Variants in UBA6 observed in about 807,000 individuals in gnomAD.
UBA6 encodes ubiquitin like modifier activating enzyme 6.
A neutral mutation model predicts 148.3 loss-of-function variants in UBA6; 87 were observed. The ratio of observed to expected loss-of-function variants is 0.59; its 90% CI spans 0.49 to 0.70. The LOEUF (loss-of-function observed/expected upper bound fraction) is 0.70. Ranked by LOEUF, UBA6 falls within the 30% of genes least tolerant of loss-of-function variation. The pLI, the probability that UBA6 is intolerant of heterozygous loss-of-function variation, is 0.00. For missense variants in UBA6, 1,186 were observed against 1,241.2 expected, an observed-to-expected ratio of 0.96 and a Z score of 0.67; for synonymous variants, 376 against 401.0, an observed-to-expected ratio of 0.94 and a Z score of 0.75.
Position 67,614,147 on chromosome 4 carries a change from A to AT in UBA6, c.*4849dup, listed in dbSNP as rs1321625291. 1 of 152,208 alleles carries AT rather than the reference A, an allele frequency of 6.6e-6. No homozygotes were observed. The highest frequency in any genetic ancestry group is 1.5e-5 in the Non-Finnish European group (1 of 68,050). The allele number at this position is 152,208 out of a possible 1,614,324, so 9.4% of individuals were successfully genotyped here. On this transcript the variant is annotated 3_prime_UTR_variant, in exon 33 of 33. Coordinates refer to ENST00000322244, the MANE Select transcript of UBA6 (RefSeq NM_018227.6). Reference sequence around the variant, plus strand: ...TATTTAACCTGAATATTTCCTTCCTATTGATCCCAGGTCTTCAGATAAACT... The same window carrying AT: ...TATTTAACCTGAATATTTCCTTCCTATTTGATCCCAGGTCTTCAGATAAACT...
chr4:67,652,088 G>C (rs1252869765), intron 13 of UBA6, among the ~76,000 whole-genome samples: 1 of 151,960 alleles, frequency 6.6e-6, no homozygotes, highest in Non-Finnish European at 1.5e-5. Context: ...ACAGCTTTTT[G>C]ACCCTGTGTT....
rs111875652 is a variant in UBA6 at position 67,692,790 on chromosome 4, T to C, written c.134+3855A>G. Among the ~76,000 whole-genome samples the C allele has an allele frequency of 9.1e-3, 1,390 of 152,228 alleles. 32 individuals carry two copies. The highest frequency in any genetic ancestry group is 0.032 in the African/African-American group (1,324 of 41,550). Reference sequence around the variant, plus strand: ...AAGGCTCATTACACAAGGTACTCTATAGAAAGGATTGTCAATGCTATGGAA... The same window carrying C: ...AAGGCTCATTACACAAGGTACTCTACAGAAAGGATTGTCAATGCTATGGAA... On this transcript the variant is annotated intron_variant, in intron 2 of 32. Transcript: ENST00000322244.
intron 17 of UBA6, among the ~76,000 whole-genome samples, chr4:67,641,834 A>G (rs957905413): frequency 7.2e-5 from 11 of 152,164 alleles, no homozygotes; most frequent in African/African-American, 2.7e-4. Context: ...AATATTTGCA[A>G]TCGTGTCCTT....
chr4:67,630,660 GT>G (rs75927546), intron 25 of UBA6, 125 bp from the exon 26 acceptor site: 5,426 of 494,182 alleles, frequency 0.011, 2 homozygotes, highest in South Asian at 0.022. Flanking sequence ...ATTATTTCAA[GT>G]TTTTTTTTTT....
intron 11 of UBA6, 148 bp from the exon 12 acceptor site, chr4:67,663,363 C>A: frequency 1.9e-6 from 1 of 535,916 alleles, no homozygotes; most frequent in Non-Finnish European, 3.3e-6. Context: ...AAATAAGAAA[C>A]CTGAAGGTTA....
At chr4:67,625,973 G>C (rs1001708452) in intron 28 of UBA6, among the ~76,000 whole-genome samples, 1 of 151,858 alleles carries the variant, frequency 6.6e-6, no homozygotes, top group Non-Finnish European at 1.5e-5. Context: ...TTATCCTAAA[G>C]TGATTTAAAT....
intron 2 of UBA6, among the ~76,000 whole-genome samples, chr4:67,695,418 G>T (rs1218849849): frequency 6.6e-6 from 1 of 152,094 alleles, no homozygotes; most frequent in East Asian, 1.9e-4. Flanking sequence ...TTAAAATATT[G>T]TATTACAAAT....
chr4:67,620,483 T>C (rs1251088522), intron 32 of UBA6, among the ~76,000 whole-genome samples: 1 of 152,090 alleles, frequency 6.6e-6, no homozygotes, highest in Non-Finnish European at 1.5e-5. Flanking sequence ...CCTAGCCAGG[T>C]CACTGTCTCA....
At chr4:67,667,564 T>TAC (rs906953906) in intron 9 of UBA6, among the ~76,000 whole-genome samples, 2 of 126,606 alleles carry the variant, frequency 1.6e-5, no homozygotes, top group Non-Finnish European at 3.5e-5. Flanking sequence ...ATAAACTAAA[T>TAC]ACAGTTATAT....
In UBA6 at chr4:67,613,960, A is replaced by C. The variant is rs1577779886; in HGVS notation, c.*5037T>G. ...CTATAAAGAATCCCCTTTCCCCTTT[A>C]CCCATTTTTTTTTTGTCCTTCCTTC... On this transcript the variant is annotated 3_prime_UTR_variant, in exon 33 of 33. Transcript: ENST00000322244. 1 of 151,056 alleles carries C rather than the reference A, an allele frequency of 6.6e-6. No individual in the cohort carries two copies. Among genetic ancestry groups the C allele is most frequent in the Admixed American group, 6.6e-5 (1 of 15,164 alleles). The allele number at this position is 151,056 out of a possible 1,614,324, so 9.4% of individuals were successfully genotyped here.
At chr4:67,697,148 A>G (rs769816335) in intron 1 of UBA6, among the ~76,000 whole-genome samples, 4 of 152,106 alleles carry the variant, frequency 2.6e-5, no homozygotes, top group Non-Finnish European at 4.4e-5. Context: ...TGGGACTACA[A>G]GTGCACACCA....
intron 30 of UBA6, among the ~76,000 whole-genome samples, chr4:67,623,909 A>G (rs1728807233): frequency 6.6e-6 from 1 of 152,118 alleles, no homozygotes; most frequent in Admixed American, 6.5e-5. Context: ...CCATAATGCC[A>G]AATAATGTGG....
At chr4:67,654,767 T>A (rs550343306) in intron 13 of UBA6, among the ~76,000 whole-genome samples, 1 of 150,580 alleles carries the variant, frequency 6.6e-6, no homozygotes, top group East Asian at 2.0e-4. Context: ...TCAAGACCCA[T>A]CAGCGTGCTG....
chr4:67,619,518 A>G (rs1406104094), intron 32 of UBA6, among the ~76,000 whole-genome samples: 1 of 152,236 alleles, frequency 6.6e-6, no homozygotes, highest in Non-Finnish European at 1.5e-5. Context: ...TCTGCTAAAA[A>G]TACAAAAACG....
intron 19 of UBA6, among the ~76,000 whole-genome samples, chr4:67,637,252 C>T (rs546242917): frequency 2.6e-5 from 4 of 151,132 alleles, no homozygotes; most frequent in African/African-American, 9.7e-5. Context: ...GGCCAGCCGC[C>T]CAGCCCTGGA....
chr4:67,637,701 G>A lies in UBA6; in HGVS notation c.1736+1242C>T, dbSNP rs369740169. Among the ~76,000 whole-genome samples the A allele has an allele frequency of 3.6e-4, 55 of 152,112 alleles. No individual in the cohort carries two copies. The South Asian group carries it at 8.7e-3, about 24-fold the overall frequency. ...ACTCAGGGTTAAATGGATTAAGGGC[G>A]GTGCAAGATGTGCTTTGTTAAACAG... On this transcript the variant is annotated intron_variant, in intron 19 of 32. Coordinates refer to ENST00000322244, the MANE Select transcript of UBA6 (RefSeq NM_018227.6).
rs1023909034 is a variant in UBA6 at position 67,677,560 on chromosome 4, A to T, written c.465+51T>A. 3 of 929,432 alleles carry T rather than the reference A, an allele frequency of 3.2e-6. No individual in the cohort carries two copies. The African/African-American group carries it at 5.1e-5, about 16-fold the overall frequency. 57.6% of individuals were successfully genotyped at this position (929,432 alleles called of 1,614,324 possible). On this transcript the variant is annotated intron_variant, in intron 6 of 32. Coordinates refer to ENST00000322244, the MANE Select transcript of UBA6 (RefSeq NM_018227.6). ...TAGTTAAACATATTAATATTTAACAATTTTGCCCTGGAACCTGTCAATAAC... is the reference window on the plus strand; with the variant it reads ...TAGTTAAACATATTAATATTTAACATTTTTGCCCTGGAACCTGTCAATAAC...
intron 28 of UBA6, 24 bp downstream of exon 28, chr4:67,626,336 A>G: frequency 6.7e-7 from 1 of 1,500,140 alleles, no homozygotes; most frequent in Non-Finnish European, 9.3e-7. Flanking sequence ...AGTTCAAAAC[A>G]TTTTTATAAA....
chr4:67,618,042 A>AC lies in UBA6; in HGVS notation c.*954_*955insG, dbSNP rs1391770666. On this transcript the variant is annotated 3_prime_UTR_variant, in exon 33 of 33. Coordinates refer to ENST00000322244, the MANE Select transcript of UBA6 (RefSeq NM_018227.6). ...TAACATGCTTCTGTTTAAAAAAAAAAAACAAAAAAAACACAAAATTTAATA... is the reference window on the plus strand; with the variant it reads ...TAACATGCTTCTGTTTAAAAAAAAAACAACAAAAAAAACACAAAATTTAATA... 1.3e-5 allele frequency: 2 copies of AC among 150,652 alleles called. No homozygotes were observed. Among genetic ancestry groups the AC allele is most frequent in the African/African-American group, 2.4e-5 (1 of 41,168 alleles). 9.3% of individuals were successfully genotyped at this position (150,652 alleles called of 1,614,324 possible). A position where few individuals can be genotyped will look rare whatever the true frequency, so the allele number is the denominator to read the frequency against.
Sources: gnomAD v4.1 joint callset for allele counts (sites outside exome capture counted in the v4.1 genomes callset) on GRCh38, gnomAD v4.1.1 for gene constraint, MANE v1.5 for transcripts, NCBI Gene and HGNC (gene_info 2026-07-23, HGNC 2026-07-21) for gene names.